The following C1orf21 variants were observed in gnomAD, a reference collection of about 807,000 sequenced individuals.
C1orf21 encodes the protein chromosome 1 open reading frame 21.
C1orf21 carries 3 observed loss-of-function variants against 18.7 expected under a neutral mutation model. The ratio of observed to expected loss-of-function variants is 0.16; its 90% CI spans 0.07 to 0.42. C1orf21 has a LOEUF of 0.42. C1orf21 is among the 10% of genes least tolerant of loss of function. The probability of loss-of-function intolerance (pLI) is 0.99; values close to 1 mark genes in which losing one functional copy is unlikely to be tolerated. For missense variants in C1orf21, 104 were observed against 143.6 expected (o/e 0.72, Z 1.41); for synonymous variants, 41 against 46.4 (o/e 0.88, Z 0.47).
At chr1:184,453,119 T>C (rs931664859) in intron 1 of C1orf21, among the ~76,000 whole-genome samples, 7 of 152,184 alleles carry the variant, frequency 4.6e-5, no homozygotes, top group African/African-American at 1.7e-4. Context: ...CTCTAAGTGA[T>C]GCATACTACA....
At chr1:184,559,730 G>T (rs1467814801) in intron 3 of C1orf21, among the ~76,000 whole-genome samples, 1 of 151,474 alleles carries the variant, frequency 6.6e-6, no homozygotes, top group Non-Finnish European at 1.5e-5. Context: ...TGATCCTCCT[G>T]TCTCAGCCTC....
chr1:184,537,041 C>A (rs747614458), intron 3 of C1orf21, among the ~76,000 whole-genome samples: 1 of 151,998 alleles, frequency 6.6e-6, no homozygotes, highest in Non-Finnish European at 1.5e-5. Flanking sequence ...AGGTTATATA[C>A]GGGCTATGCA....
intron 3 of C1orf21, among the ~76,000 whole-genome samples, chr1:184,552,794 T>G (rs1258584266): frequency 6.6e-6 from 1 of 152,206 alleles, no homozygotes; most frequent in Non-Finnish European, 1.5e-5. Flanking sequence ...ACATTCCAAA[T>G]TTTAATGGCA....
At chr1:184,405,888 T>C (rs997493424) in intron 1 of C1orf21, among the ~76,000 whole-genome samples, 6 of 152,136 alleles carry the variant, frequency 3.9e-5, no homozygotes, top group African/African-American at 7.2e-5. Flanking sequence ...AAGAGTGAAG[T>C]TGGTGAATCC....
intron 5 of C1orf21, among the ~76,000 whole-genome samples, chr1:184,599,871 C>A (rs1382061622): frequency 6.6e-6 from 1 of 152,168 alleles, no homozygotes; most frequent in Non-Finnish European, 1.5e-5. Flanking sequence ...GTTGTTCAAC[C>A]AGTAAGTATA....
intron 3 of C1orf21, among the ~76,000 whole-genome samples, chr1:184,529,554 C>T (rs1233127797): frequency 6.6e-6 from 1 of 152,102 alleles, no homozygotes; most frequent in Non-Finnish European, 1.5e-5. Context: ...CACATGCACC[C>T]ATGTGTATCA....
chr1:184,542,332 G>A (rs1053057217), intron 3 of C1orf21, among the ~76,000 whole-genome samples: 1 of 152,096 alleles, frequency 6.6e-6, no homozygotes. Context: ...TAGAGATGAG[G>A]AAAACTTAAA....
chr1:184,507,518 T>G (rs923828679), intron 2 of C1orf21, 70 bp from the exon 3 acceptor site: 11 of 1,317,318 alleles, frequency 8.4e-6, no homozygotes, highest in Non-Finnish European at 1.2e-5. Flanking sequence ...ACTATTGGGA[T>G]TTTCTGACTG....
Position 184,626,563 on chromosome 1 carries a change from T to G in C1orf21, c.*7007T>G, listed in dbSNP as rs1660014729. On this transcript the variant is annotated 3_prime_UTR_variant, in exon 6 of 6. Transcript: ENST00000235307. ...TTGCTGGGGATTCAGGGAGCATAAATAAGAGCTTTAGGTGGTGCTGTGTCC... is the reference window on the plus strand; with the variant it reads ...TTGCTGGGGATTCAGGGAGCATAAAGAAGAGCTTTAGGTGGTGCTGTGTCC... 1 of 152,286 alleles carries G rather than the reference T, an allele frequency of 6.6e-6. No individual in the cohort carries two copies. Among genetic ancestry groups the G allele is most frequent in the African/African-American group, 2.4e-5 (1 of 41,364 alleles). The allele number at this position is 152,286 out of a possible 1,614,324, so 9.4% of individuals were successfully genotyped here. A position where few individuals can be genotyped will look rare whatever the true frequency, so the allele number is the denominator to read the frequency against.
chr1:184,513,612 G>C (rs1447320141), intron 3 of C1orf21, among the ~76,000 whole-genome samples: 1 of 152,240 alleles, frequency 6.6e-6, no homozygotes, highest in Non-Finnish European at 1.5e-5. Flanking sequence ...CTATTCACTA[G>C]AACACCTCTA....
intron 3 of C1orf21, among the ~76,000 whole-genome samples, chr1:184,578,687 C>T (rs918107005): frequency 6.6e-6 from 1 of 152,114 alleles, no homozygotes; most frequent in Non-Finnish European, 1.5e-5. Context: ...GACAGAGTTA[C>T]ATATCAGACT....
intron 1 of C1orf21, among the ~76,000 whole-genome samples, chr1:184,462,244 C>T (rs897455415): frequency 4.6e-5 from 7 of 152,208 alleles, no homozygotes; most frequent in South Asian, 2.1e-4. Flanking sequence ...AGCATATGTT[C>T]GGTATTAGTT....
intron 1 of C1orf21, among the ~76,000 whole-genome samples, chr1:184,449,685 C>T (rs1657093936): frequency 6.6e-6 from 1 of 152,128 alleles, no homozygotes. Context: ...TAATTTAAGT[C>T]TTCCAAGAAC....
chr1:184,481,533 G>C (rs1657653896), intron 2 of C1orf21, among the ~76,000 whole-genome samples: 1 of 152,264 alleles, frequency 6.6e-6, no homozygotes, highest in Middle Eastern at 3.4e-3. Context: ...CAAGGGTATA[G>C]GTGCAGGGAG....
Position 184,578,326 on chromosome 1 carries a change from A to G in C1orf21, c.190-12413A>G, listed in dbSNP as rs1659225020. The stretch of plus-strand genomic sequence containing the variant: ...CATAGTTAATAGCTGAATTCCTAAG[A>G]TCTTTGGTCTTATTTTGGATCACAG... On this transcript the variant is annotated intron_variant, in intron 3 of 5. Transcript: ENST00000235307. 2.0e-5 allele frequency among the ~76,000 whole-genome samples: 3 copies of G among 152,254 alleles called. No homozygotes were observed. The South Asian group carries it at 6.2e-4, about 32-fold the overall frequency.
intron 3 of C1orf21, among the ~76,000 whole-genome samples, chr1:184,563,826 T>C (rs932626878): frequency 9.9e-5 from 15 of 152,210 alleles, no homozygotes; most frequent in African/African-American, 3.4e-4. Flanking sequence ...TTAAAGAAGA[T>C]TGTGGAAATC....
chr1:184,490,097 G>A (rs1023850810), intron 2 of C1orf21, among the ~76,000 whole-genome samples: 1 of 152,208 alleles, frequency 6.6e-6, no homozygotes, highest in Non-Finnish European at 1.5e-5. Flanking sequence ...CTGACTGATA[G>A]AAATGTTAGC....
At position 184,519,523 on chromosome 1, in the gene C1orf21, T is replaced by A. The variant is rs566954768; in HGVS notation, c.189+11841T>A. The stretch of plus-strand genomic sequence containing the variant: ...ATTTTTTATATGCAAGTGGCCCCAT[T>A]GAGACACCTGAGTCGGGGGAAATGA... On this transcript the variant is annotated intron_variant, in intron 3 of 5. Transcript: ENST00000235307. Among the ~76,000 whole-genome samples, 13 of 152,246 alleles carry A rather than the reference T, an allele frequency of 8.5e-5. 1 individual carries two copies. In the South Asian group the frequency reaches 1.9e-3, roughly 22 times the overall value.
At chr1:184,388,893 T>A (rs1006991930) in intron 1 of C1orf21, among the ~76,000 whole-genome samples, 2 of 151,996 alleles carry the variant, frequency 1.3e-5, no homozygotes, top group African/African-American at 4.8e-5. Context: ...GAATTTGGAG[T>A]TTTCCCCCCT....
Sources: allele counts gnomAD v4.1 joint callset (sites outside exome capture counted in the v4.1 genomes callset), GRCh38; gene constraint gnomAD v4.1.1; transcripts MANE v1.5; gene names NCBI Gene and HGNC (gene_info 2026-07-23, HGNC 2026-07-21).